The following TRMT11 variants were observed in gnomAD, a reference collection of about 807,000 sequenced individuals.
The protein encoded by TRMT11 is tRNA methyltransferase 11.
In TRMT11, 53 loss-of-function variants were observed where a neutral mutation model predicts 62.8. The ratio of observed to expected loss-of-function variants is 0.84; its 90% CI spans 0.68 to 1.06. The LOEUF (loss-of-function observed/expected upper bound fraction) is 1.06, where lower values mean the gene tolerates loss of function less well. Ranked by LOEUF, TRMT11 falls within the 50% of genes least tolerant of loss-of-function variation. TRMT11 has a pLI of 0.00. For synonymous variants in TRMT11, 188 were observed against 190.3 expected, an observed-to-expected ratio of 0.99 and a Z score of 0.10; for missense variants, 556 against 553.4, an observed-to-expected ratio of 1.00 and a Z score of -0.05.
chr6:126,120,678 T>C (rs971130159), intron 21 of TRMT11, among the ~76,000 whole-genome samples: 5 of 152,152 alleles, frequency 3.3e-5, no homozygotes, highest in African/African-American at 1.2e-4. Context: ...GATAGTATTG[T>C]AGTTCTCTAT....
chr6:126,055,335 G>T lies in TRMT11; in HGVS notation c.*1437+2145G>T, dbSNP rs184473861. Among the ~76,000 whole-genome samples, 55 of 152,252 alleles carry T rather than the reference G, an allele frequency of 3.6e-4. 1 individual carries two copies. Among genetic ancestry groups the T allele is most frequent in the Admixed American group, 2.9e-3 (45 of 15,296 alleles). On this transcript the variant is annotated intron_variant and NMD_transcript_variant, in intron 17 of 22. Coordinates refer to the TRMT11 transcript ENST00000648977. The stretch of plus-strand genomic sequence containing the variant: ...GACAGCATGGAATCCTCTAGCCCTT[G>T]CTTGTGGCCCGCCTGGTTTTCTCTA...
intron 21 of TRMT11, among the ~76,000 whole-genome samples, chr6:126,127,004 A>C (rs1414177785): frequency 6.6e-6 from 1 of 152,104 alleles, no homozygotes; most frequent in Non-Finnish European, 1.5e-5. Flanking sequence ...TAATTTCTTC[A>C]AGAGATATAC....
At chr6:126,032,201 T>C (rs1774329357) in intron 12 of TRMT11, among the ~76,000 whole-genome samples, 1 of 152,202 alleles carries the variant, frequency 6.6e-6, no homozygotes, top group Admixed American at 6.5e-5. Context: ...GCTTCTGCAG[T>C]TTCTCCCTCC....
chr6:126,179,684 A>G (rs1583900833), intron 1 of TRMT11, among the ~76,000 whole-genome samples: 1 of 152,318 alleles, frequency 6.6e-6, no homozygotes, highest in Middle Eastern at 3.4e-3. Context: ...GAAAGACTAC[A>G]TGTCAGGTTT....
At position 126,193,489 on chromosome 6, in the gene TRMT11, TA is replaced by T. The variant is rs372275685; in HGVS notation, n.144-5309del. Among the ~76,000 whole-genome samples, 513 of 134,236 alleles carry T rather than the reference TA, an allele frequency of 3.8e-3. 51 individuals carry two copies. Among genetic ancestry groups the T allele is most frequent in the African/African-American group, 0.015 (462 of 31,116 alleles). 88.1% of individuals were successfully genotyped at this position (134,236 alleles called of 152,430 possible). A position where few individuals can be genotyped will look rare whatever the true frequency, so the allele number is the denominator to read the frequency against. Reference sequence around the variant, plus strand: ...AGGTTATTTAAGAGGAGCGTTTCTGTATTTTTTTTTTTTTTTTTTTTTTTTG... The same window carrying T: ...AGGTTATTTAAGAGGAGCGTTTCTGTTTTTTTTTTTTTTTTTTTTTTTTTG... On this transcript the variant is annotated intron_variant and non_coding_transcript_variant, in intron 1 of 3. Coordinates refer to the TRMT11 transcript ENST00000444229.
In TRMT11 at chr6:126,008,534, A is replaced by C. The variant is rs1321633294; in HGVS notation, c.760+62A>C. The stretch of plus-strand genomic sequence containing the variant: ...TGTGGTGCCAAATGTACCTTTAAAC[A>C]TACAGTTGACCCTGGAAGAACACAA... On this transcript the variant is annotated intron_variant, in intron 8 of 12. Transcript: ENST00000334379. 44 of 1,382,514 alleles carry C rather than the reference A, an allele frequency of 3.2e-5. No homozygotes were observed. The Admixed American group carries it at 7.0e-4, about 22-fold the overall frequency. The allele number at this position is 1,382,514 out of a possible 1,614,324, so 85.6% of individuals were successfully genotyped here.
the TRMT11 span, among the ~76,000 whole-genome samples, chr6:126,261,187 A>G: frequency 6.6e-6 from 1 of 152,066 alleles, no homozygotes; most frequent in South Asian, 2.1e-4. Context: ...GAAATTCATT[A>G]TTCTGTTTAG....
At chr6:126,176,531 CTTTGAA>C (rs940600393), upstream of TRMT11, among the ~76,000 whole-genome samples, 23 of 152,240 alleles carry the variant, frequency 1.5e-4, no homozygotes, top group African/African-American at 4.6e-4. Context: ...ATTTTAAGAA[CTTTGAA>C]TACCTCCTGT....
At chr6:126,232,831 G>A in the TRMT11 span, among the ~76,000 whole-genome samples, 9 of 152,166 alleles carry the variant, frequency 5.9e-5, no homozygotes, top group East Asian at 1.7e-3. Context: ...TTTATGTGAA[G>A]CATCCCTTTC....
At chr6:126,121,440 G>T (rs757118765) in intron 21 of TRMT11, among the ~76,000 whole-genome samples, 45 of 152,048 alleles carry the variant, frequency 3.0e-4, no homozygotes, top group Non-Finnish European at 5.7e-4. Context: ...AGTTACCAGG[G>T]TGCTCTACCA....
intron 8 of TRMT11, chr6:126,009,525 C>A (rs1306792360): frequency 6.6e-6 from 1 of 151,898 alleles, no homozygotes; most frequent in Admixed American, 6.6e-5. Context: ...CCTTATAATA[C>A]TCTTTTCCTT....
At chr6:126,140,012 T>A (rs1231188837) in intron 21 of TRMT11, among the ~76,000 whole-genome samples, 1 of 152,140 alleles carries the variant, frequency 6.6e-6, no homozygotes, top group Non-Finnish European at 1.5e-5. Flanking sequence ...TTACTTCTAA[T>A]ATTTTATCCA....
intron 17 of TRMT11, among the ~76,000 whole-genome samples, chr6:126,095,915 T>C (rs970572295): frequency 3.3e-5 from 5 of 152,050 alleles, no homozygotes; most frequent in Admixed American, 3.3e-4. Flanking sequence ...TGAGAAAGAA[T>C]GCCAGGTTTT....
chr6:126,187,852 G>A (rs1778543830), intron 1 of TRMT11, among the ~76,000 whole-genome samples: 1 of 147,576 alleles, frequency 6.8e-6, no homozygotes, highest in Admixed American at 6.6e-5. Context: ...CAAGCACCCA[G>A]TCAGTGGGAA....
chr6:126,093,474 A>T (rs2128169923), intron 17 of TRMT11, among the ~76,000 whole-genome samples: 1 of 149,802 alleles, frequency 6.7e-6, no homozygotes, highest in Admixed American at 6.7e-5. Flanking sequence ...AGGGACATGT[A>T]ACTGCTTTCT....
chr6:126,237,870 T>G, the TRMT11 span, among the ~76,000 whole-genome samples: 1 of 152,330 alleles, frequency 6.6e-6, no homozygotes, highest in African/African-American at 2.4e-5. Flanking sequence ...AAGCTATTAA[T>G]TATTGCCTCA....
At chr6:126,130,113 A>G (rs1165889534) in intron 21 of TRMT11, among the ~76,000 whole-genome samples, 1 of 152,092 alleles carries the variant, frequency 6.6e-6, no homozygotes, top group African/African-American at 2.4e-5. Flanking sequence ...TCAGTTCAGT[A>G]TATTATAAGT....
chr6:126,027,863 C>A (rs1773478125), intron 12 of TRMT11, among the ~76,000 whole-genome samples: 1 of 152,060 alleles, frequency 6.6e-6, no homozygotes, highest in East Asian at 1.9e-4. Context: ...TACAAAAGAA[C>A]CATTAACTTT....
In TRMT11 at chr6:126,076,529, C is replaced by T. The variant is rs376250943; in HGVS notation, c.*1437+23339C>T. 6.6e-5 allele frequency among the ~76,000 whole-genome samples: 10 copies of T among 152,260 alleles called. No homozygotes were observed. In the East Asian group the frequency reaches 1.7e-3, roughly 26 times the overall value. On this transcript the variant is annotated intron_variant and NMD_transcript_variant, in intron 17 of 22. Transcript: ENST00000648977. ...CAGCCAGGTATTCCTTTACTTTGAA[C>T]TAGGTTGAGTTGGATTTCTGCAACT...
Sources: gnomAD v4.1 joint callset for allele counts (sites outside exome capture counted in the v4.1 genomes callset) on GRCh38, gnomAD v4.1.1 for gene constraint, MANE v1.5 for transcripts, NCBI Gene and HGNC (gene_info 2026-07-23, HGNC 2026-07-21) for gene names.